USP34: variants seen among roughly 807,000 people sequenced by gnomAD.
USP34 encodes the protein ubiquitin specific peptidase 34.
A neutral mutation model predicts 460.3 loss-of-function variants in USP34; 70 were observed. The observed-to-expected ratio is 0.15, with a 90% CI of 0.13 to 0.19. The LOEUF is 0.19. Among genes scored for constraint, USP34 ranks in the 10% least tolerant of loss-of-function variants. The probability of loss-of-function intolerance (pLI) is 1.00; values close to 1 mark genes in which losing one functional copy is unlikely to be tolerated. For synonymous variants in USP34, 1,647 were observed against 1,405.3 expected (o/e 1.17, Z -3.85); for missense variants, 3,985 against 4,236.2 (o/e 0.94, Z 1.65).
At position 61,339,690 on chromosome 2, in the gene USP34, A is replaced by T. The variant is rs74726808; in HGVS notation, c.2501-9T>A. 4 of 309,380 alleles carry T rather than the reference A, an allele frequency of 1.3e-5. No individual in the cohort carries two copies. Among genetic ancestry groups the T allele is most frequent in the Non-Finnish European group, 1.5e-5 (3 of 205,492 alleles). 19.2% of individuals were successfully genotyped at this position (309,380 alleles called of 1,614,324 possible). A position where few individuals can be genotyped will look rare whatever the true frequency, so the allele number is the denominator to read the frequency against. Reference sequence around the variant, plus strand: ...TTTATGAACTACAGGTCCTGAAGAGAAAAAAAAAAAAAAGACACACTATAG... The same window carrying T: ...TTTATGAACTACAGGTCCTGAAGAGTAAAAAAAAAAAAAGACACACTATAG... On this transcript the variant is annotated splice_polypyrimidine_tract_variant and intron_variant, in intron 16 of 79. Coordinates refer to ENST00000398571, the MANE Select transcript of USP34 (RefSeq NM_014709.4).
At chr2:61,373,953 A>C (rs1405879697) in intron 8 of USP34, among the ~76,000 whole-genome samples, 8 of 152,086 alleles carry the variant, frequency 5.3e-5, no homozygotes, top group African/African-American at 1.9e-4. Flanking sequence ...TCAGGAGCTT[A>C]AGACCAGCCC....
chr2:61,346,503 G>A (rs1193406062), intron 15 of USP34, among the ~76,000 whole-genome samples: 1 of 138,116 alleles, frequency 7.2e-6, no homozygotes, highest in South Asian at 2.6e-4. Context: ...TACAGCCTAG[G>A]TGACAAAGTG....
chr2:61,408,114 C>T (rs1401338953), intron 2 of USP34, among the ~76,000 whole-genome samples: 1 of 151,756 alleles, frequency 6.6e-6, no homozygotes, highest in East Asian at 1.9e-4. Context: ...GATTCTGTCA[C>T]AAAAAAATAA....
intron 1 of USP34, among the ~76,000 whole-genome samples, chr2:61,465,552 C>T (rs1695735266): frequency 6.6e-6 from 1 of 152,262 alleles, no homozygotes; most frequent in East Asian, 1.9e-4. Flanking sequence ...ATTTAAAACA[C>T]AATTAACTGG....
chr2:61,438,335 G>C (rs1464030843), intron 1 of USP34, among the ~76,000 whole-genome samples: 1 of 152,060 alleles, frequency 6.6e-6, no homozygotes, highest in Non-Finnish European at 1.5e-5. Context: ...CTCTAGGCCA[G>C]GCGTGGTGGC....
chr2:61,258,755 C>G (rs1688790929), intron 44 of USP34, among the ~76,000 whole-genome samples: 1 of 152,084 alleles, frequency 6.6e-6, no homozygotes. Context: ...GTAAGATTTA[C>G]TATCTTTTTA....
intron 5 of USP34, among the ~76,000 whole-genome samples, chr2:61,384,402 G>A (rs1026712102): frequency 6.6e-6 from 1 of 152,172 alleles, no homozygotes; most frequent in African/African-American, 2.4e-5. Flanking sequence ...AGGCGCGGTG[G>A]CTCATGCCTA....
At chr2:61,353,450 G>A (rs1316569560) in intron 10 of USP34, among the ~76,000 whole-genome samples, 1 of 149,842 alleles carries the variant, frequency 6.7e-6, no homozygotes, top group Non-Finnish European at 1.5e-5. Flanking sequence ...GGAGTGCAGT[G>A]GTGCGATCTC....
At chr2:61,232,634 T>C in intron 57 of USP34, 102 bp from the exon 58 acceptor site, 1 of 957,070 alleles carries the variant, frequency 1.0e-6, no homozygotes, top group Non-Finnish European at 1.6e-6. Context: ...GTTTTAATTC[T>C]TTTAAGTTCT....
chr2:61,229,467 A>AC lies in USP34; in HGVS notation c.7199+80_7199+81insG, dbSNP rs1357442916. The AC allele has an allele frequency of 1.5e-4, 91 of 604,548 alleles. 2 individuals are homozygous for AC. In the Middle Eastern group the frequency reaches 3.0e-3, roughly 20 times the overall value. 37.4% of individuals were successfully genotyped at this position (604,548 alleles called of 1,614,324 possible). On this transcript the variant is annotated intron_variant, in intron 59 of 79. Transcript: ENST00000398571. Reference sequence around the variant, plus strand: ...AGAAACCCTATCTCTTAAAAAAAAAAAAAAAAAACAAAAAAAAAAAACAAA... The same window carrying AC: ...AGAAACCCTATCTCTTAAAAAAAAAACAAAAAAAACAAAAAAAAAAAACAAA...
chr2:61,307,259 G>T (rs529053204), intron 27 of USP34, among the ~76,000 whole-genome samples: 32 of 136,150 alleles, frequency 2.4e-4, no homozygotes, highest in African/African-American at 8.3e-4. Flanking sequence ...GGTGGGAATT[G>T]AACAATGAGA....
chr2:61,460,706 C>T (rs1321697152), intron 1 of USP34, among the ~76,000 whole-genome samples: 5 of 151,982 alleles, frequency 3.3e-5, no homozygotes, highest in Non-Finnish European at 2.9e-5. Flanking sequence ...GGTAGAAGGC[C>T]GGGTGTGGCA....
intron 58 of USP34, among the ~76,000 whole-genome samples, chr2:61,230,022 G>A (rs567224615): frequency 1.9e-4 from 29 of 151,656 alleles, no homozygotes; most frequent in African/African-American, 6.0e-4. Flanking sequence ...GGAAATGTGA[G>A]GATTCTTTAA....
chr2:61,407,336 G>A (rs1693905099), intron 2 of USP34, among the ~76,000 whole-genome samples: 1 of 152,192 alleles, frequency 6.6e-6, no homozygotes, highest in Non-Finnish European at 1.5e-5. Flanking sequence ...GATCATGCCT[G>A]AGTGACAGAG....
intron 1 of USP34, among the ~76,000 whole-genome samples, chr2:61,423,248 G>A (rs776436970): frequency 2.0e-5 from 3 of 152,032 alleles, no homozygotes; most frequent in Admixed American, 6.6e-5. Flanking sequence ...TGAGTAGCTG[G>A]GATTACAGGT....
intron 44 of USP34, among the ~76,000 whole-genome samples, chr2:61,259,043 T>C (rs1394110868): frequency 6.6e-6 from 1 of 152,068 alleles, no homozygotes; most frequent in Non-Finnish European, 1.5e-5. Context: ...GCAGATCACT[T>C]GAGATCAGGA....
chr2:61,192,844 T>A, intron 76 of USP34, 57 bp downstream of exon 76: 2 of 1,454,314 alleles, frequency 1.4e-6, no homozygotes, highest in Non-Finnish European at 1.9e-6. Flanking sequence ...CCTAAAATTA[T>A]TGACCACTTG....
chr2:61,382,690 TTTAATTC>T (rs1693009104), intron 6 of USP34, among the ~76,000 whole-genome samples: 1 of 152,234 alleles, frequency 6.6e-6, no homozygotes, highest in Admixed American at 6.5e-5. Context: ...CAGTTCATAC[TTTAATTC>T]TAATCAGTAC....
At chr2:61,284,745 A>G in intron 35 of USP34, 130 bp downstream of exon 35, 1 of 619,044 alleles carries the variant, frequency 1.6e-6, no homozygotes. Flanking sequence ...ATTTGGATGG[A>G]AGGTATGAGA....
Sources: gnomAD v4.1 joint callset for allele counts (sites outside exome capture counted in the v4.1 genomes callset) on GRCh38, gnomAD v4.1.1 for gene constraint, MANE v1.5 for transcripts, NCBI Gene and HGNC (gene_info 2026-07-23, HGNC 2026-07-21) for gene names.